CCDC120: variants seen among roughly 807,000 people sequenced by gnomAD.
The protein encoded by CCDC120 is coiled-coil domain containing 120.
In CCDC120, 16 loss-of-function variants were observed where a neutral mutation model predicts 37.6. The ratio of observed to expected loss-of-function variants is 0.43; its 90% CI spans 0.29 to 0.65. The LOEUF is 0.65. CCDC120 is among the 30% of genes least tolerant of loss of function. The pLI is 0.18. For missense variants in CCDC120, 650 were observed against 657.4 expected (o/e 0.99, Z 0.12); for synonymous variants, 309 against 275.4 (o/e 1.12, Z -1.21).
chrX:49,053,869 G>T (rs1005405982), exon 1 of CCDC120: 1 of 112,863 alleles, frequency 8.9e-6, no homozygotes. Context: ...TGCGGCGCGG[G>T]GACCCTTGGT....
At position 49,062,037 on chromosome X, in the gene CCDC120, A is replaced by T; in HGVS notation, c.-5A>T. On this transcript the variant is annotated 5_prime_UTR_variant, in exon 2 of 11. Transcript: ENST00000603986. Reference sequence around the variant, plus strand: ...CCAGCTCCCCACTTGCTGTGCTCTCACTCAATGCGAAGGGAACCAAGGTAC... The same window carrying T: ...CCAGCTCCCCACTTGCTGTGCTCTCTCTCAATGCGAAGGGAACCAAGGTAC... 4.3e-6 allele frequency: 5 copies of T among 1,155,703 alleles called. No individual in the cohort carries two copies. Among genetic ancestry groups the T allele is most frequent in the Non-Finnish European group, 5.7e-6 (5 of 872,674 alleles).
chrX:49,063,143 C>A (rs59547207), intron 4 of CCDC120, among the ~76,000 whole-genome samples: 2 of 102,417 alleles, frequency 2.0e-5, no homozygotes, highest in African/African-American at 3.6e-5. Context: ...GCAGTGAGCC[C>A]AGATTGCGCC....
At chrX:49,054,280 A>G (rs2064817738), upstream of CCDC120, among the ~76,000 whole-genome samples, 1 of 110,562 alleles carries the variant, frequency 9.0e-6, no homozygotes, top group African/African-American at 3.3e-5. Flanking sequence ...CTGACGCTTG[A>G]CCTGTCTGTT....
Position 49,068,819 on chromosome X carries a change from T to G in CCDC120, c.*161T>G. ...GGCTCCCCGTAGGCCCAGGAAGGTG[T>G]CTGACACCCTGCTTCTTCTCTCACA... On this transcript the variant is annotated 3_prime_UTR_variant, in exon 11 of 11. Transcript: ENST00000603986. The G allele has an allele frequency of 2.4e-6, 1 of 423,771 alleles. No homozygotes were observed. Among genetic ancestry groups the G allele is most frequent in the Non-Finnish European group, 3.5e-6 (1 of 283,243 alleles). 34.9% of individuals were successfully genotyped at this position (423,771 alleles called of 1,213,427 possible).
upstream of CCDC120, among the ~76,000 whole-genome samples, chrX:49,058,129 C>T (rs1341471266): frequency 2.7e-5 from 3 of 111,783 alleles, no homozygotes; most frequent in African/African-American, 9.8e-5. Flanking sequence ...AATCAGGCCT[C>T]TTCACCTTTC....
chrX:49,062,097 C>A lies in CCDC120; in HGVS notation c.56C>A (p.Ser19Tyr). Residue 19 changes from serine (S) to tyrosine (Y), a missense_variant, in exon 2 of 11, where the codon TCT becomes TAT. Ser to Tyr is a moderately radical substitution (Grantham distance 144). Transcript: ENST00000603986. ...GTGGGTCCAGACATCCACACGGATT[C>A]TGAAAGGGCAGGTCAAGCAGGCACG... The part of the protein sequence containing the change: ...GQVGPDIHTD[S>Y]ERTLSSHQPR... 8.6e-7 allele frequency: 1 copy of A among 1,157,922 alleles called. No individual in the cohort carries two copies. Among genetic ancestry groups the A allele is most frequent in the East Asian group, 3.3e-5 (1 of 30,766 alleles).
Position 49,068,089 on chromosome X carries a change from A to C in CCDC120, c.1975A>C (p.Arg659=). The change falls in exon 10 of 11, where the codon AGA becomes CGA. Residue 659 remains arginine (R), a splice_region_variant and synonymous_variant. Coordinates refer to ENST00000603986, the MANE Select transcript of CCDC120 (RefSeq NM_001163321.4). ...TTTCACGGCGCCCCCTGTCTCTGGC[A>C]GGTATGGGGGGTGCTTTTACTGATG... ...RSFTAPPVSG[R]YYADFLYPPE... The C allele has an allele frequency of 8.6e-7, 1 of 1,164,296 alleles. No homozygotes were observed. Among genetic ancestry groups the C allele is most frequent in the Non-Finnish European group, 1.1e-6 (1 of 871,772 alleles).
intron 1 of CCDC120, among the ~76,000 whole-genome samples, chrX:49,060,764 G>T (rs1027153964): frequency 2.7e-5 from 3 of 111,983 alleles, no homozygotes; most frequent in Non-Finnish European, 3.8e-5. Context: ...CTTCAAGAGA[G>T]GGGTACAGGC....
rs1429992665 is a variant in CCDC120, at chrX:49,067,015, C to T, written c.1062-161C>T. ...AGGATAGAACCTCAGCTGCCCTTTA[C>T]ATGTCACTACCTGCCACCTTTATAC... On this transcript the variant is annotated intron_variant, in intron 9 of 10. Coordinates refer to ENST00000603986, the MANE Select transcript of CCDC120 (RefSeq NM_001163321.4). The T allele has an allele frequency of 1.3e-5, 6 of 477,015 alleles. No individual in the cohort carries two copies. The South Asian group carries it at 2.0e-4, about 16-fold the overall frequency. 39.3% of individuals were successfully genotyped at this position (477,015 alleles called of 1,213,427 possible).
Position 49,067,614 on chromosome X carries a change from G to A in CCDC120, c.1500G>A (p.Leu500=), listed in dbSNP as rs1557081796. Residue 500 remains leucine (L), a synonymous_variant, in exon 10 of 11, where the codon CTG becomes CTA. Coordinates refer to ENST00000603986, the MANE Select transcript of CCDC120 (RefSeq NM_001163321.4). Reference sequence around the variant, plus strand: ...GCGGTGGAACAGGCTGGGGGGAGCTGCCGCCTGCAGCTGAGGTCCCAGGAC... The same window carrying A: ...GCGGTGGAACAGGCTGGGGGGAGCTACCGCCTGCAGCTGAGGTCCCAGGAC... ...RSGGGTGWGE[L]PPAAEVPGPL... 1 of 1,185,128 alleles carries A rather than the reference G, an allele frequency of 8.4e-7. No individual in the cohort carries two copies. Among genetic ancestry groups the A allele is most frequent in the African/African-American group, 1.7e-5 (1 of 57,422 alleles).
Position 49,067,510 on chromosome X carries a change from C to T in CCDC120, c.1396C>T (p.Arg466Ter), listed in dbSNP as rs781816554. Residue 466 changes from arginine to a stop codon, truncating the protein, a stop_gained, in exon 10 of 11, where the codon CGA (arginine) becomes TGA (stop). Transcript: ENST00000603986. LOFTEE classifies it high-confidence loss of function. ...GCCTAGCTCAGCTGCCCCTGCCTCCCGAGGTGCCCCCCGGCTCCCACCTGT... is the reference window on the plus strand; with the variant it reads ...GCCTAGCTCAGCTGCCCCTGCCTCCTGAGGTGCCCCCCGGCTCCCACCTGT... ...ARPSSAAPAS[R>*]GAPRLPPVCG... The T allele has an allele frequency of 5.2e-6, 6 of 1,165,016 alleles. No individual in the cohort carries two copies. Among genetic ancestry groups the T allele is most frequent in the African/African-American group, 1.8e-5 (1 of 56,333 alleles).
chrX:49,063,352 T>C (rs1325303368), intron 4 of CCDC120, among the ~76,000 whole-genome samples: 3 of 108,122 alleles, frequency 2.8e-5, no homozygotes, highest in African/African-American at 1.0e-4. Flanking sequence ...AAACTCCACC[T>C]CAAAAAAAAA....
At position 49,068,057 on chromosome X, in the gene CCDC120, C is replaced by G; in HGVS notation, c.1943C>G (p.Ser648Trp). ...GAPSQAPLPH[S>W]RSFTAPPVSG... ...CCCAGCCAGGCGCCACTCCCACACT[C>G]GAGGAGTTTCACGGCGCCCCCTGTC... Residue 648 changes from serine (S) to tryptophan (W), a missense_variant, in exon 10 of 11, where the codon TCG becomes TGG. Physicochemically the swap from Ser to Trp is radical, Grantham distance 177 (BLOSUM62 -3). Around this residue, in one of 3 missense-constraint regions of CCDC120, gnomAD observed 576 missense variants for 565.3 expected, o/e 1.02. Transcript: ENST00000603986. The G allele has an allele frequency of 8.6e-7, 1 of 1,166,889 alleles. No homozygotes were observed. The highest frequency in any genetic ancestry group is 1.1e-6 in the Non-Finnish European group (1 of 872,780).
upstream of CCDC120, among the ~76,000 whole-genome samples, chrX:49,055,228 C>T (rs1325823779): frequency 8.9e-6 from 1 of 112,561 alleles, no homozygotes; most frequent in African/African-American, 3.2e-5. Context: ...TTCAGTGACT[C>T]TCTGGGAGTC....
intron 4 of CCDC120, 111 bp downstream of exon 4, chrX:49,062,712 T>A (rs2064900515): frequency 7.5e-6 from 6 of 802,609 alleles, no homozygotes; most frequent in Non-Finnish European, 1.0e-5. Flanking sequence ...TTGTCTTGGC[T>A]GTAGATTCCC....
At chrX:49,066,452 A>G (rs1470008925) in intron 9 of CCDC120, 1 of 112,514 alleles carries the variant, frequency 8.9e-6, no homozygotes, top group African/African-American at 3.3e-5. Context: ...CAACTCATTT[A>G]ATCATAATCA....
intron 4 of CCDC120, among the ~76,000 whole-genome samples, chrX:49,063,114 A>G (rs782199414): frequency 2.5e-4 from 27 of 108,903 alleles, no homozygotes; most frequent in African/African-American, 7.0e-4. Context: ...GAATGGCATG[A>G]ACCCGGGAGG....
Position 49,060,427 on chromosome X carries a change from C to CAAAAAAAAAAAAAAAAAAAAAAA in CCDC120, c.-84+1338_-84+1360dup, listed in dbSNP as rs58827125. ...AAGTGACAGAGCCAGGCCCTATCTC[C>CAAAAAAAAAAAAAAAAAAAAAAA]AAAAAAAAAAAAAAAAAAAAAAAAA... On this transcript the variant is annotated intron_variant, in intron 1 of 10. Transcript: ENST00000603986. Among the ~76,000 whole-genome samples the CAAAAAAAAAAAAAAAAAAAAAAA allele has an allele frequency of 2.1e-4, 9 of 42,128 alleles. 1 individual carries two copies. Among genetic ancestry groups the CAAAAAAAAAAAAAAAAAAAAAAA allele is most frequent in the Non-Finnish European group, 2.6e-4 (7 of 27,375 alleles). The allele number at this position is 42,128 out of a possible 115,157, so 36.6% of individuals were successfully genotyped here.
At chrX:49,055,801 A>C (rs1454258842), upstream of CCDC120, among the ~76,000 whole-genome samples, 1 of 112,226 alleles carries the variant, frequency 8.9e-6, no homozygotes, top group East Asian at 2.8e-4. Context: ...ATTGATAACA[A>C]AACAAGCATT....
Sources: gnomAD v4.1 joint callset for allele counts (sites outside exome capture counted in the v4.1 genomes callset) on GRCh38, gnomAD v4.1.1 for gene constraint, gnomAD v4.1.1 regional missense constraint, MANE v1.5 for transcripts, NCBI Gene and HGNC (gene_info 2026-07-23, HGNC 2026-07-21) for gene names.